The following BRICD5 variants were observed in gnomAD, a reference collection of about 807,000 sequenced individuals.
BRICD5 encodes the protein BRICHOS domain-containing protein 5.
Under a neutral mutation model 28.4 loss-of-function variants are expected in BRICD5, and 51 were observed. The ratio of observed to expected loss-of-function variants is 1.80; its 90% CI spans 1.43 to 2.27. BRICD5 has a LOEUF of 2.27. Ranked by LOEUF, BRICD5 falls within the 30% of genes most tolerant of loss-of-function variation. The pLI is 0.00. For synonymous variants in BRICD5, 177 were observed against 130.2 expected, an observed-to-expected ratio of 1.36 and a Z score of -2.44; for missense variants, 456 against 309.6, an observed-to-expected ratio of 1.47 and a Z score of -3.55.
chr16:2,210,393 C>T (rs949807246), intron 2 of BRICD5, 112 bp from the exon 3 acceptor site: 12 of 1,533,958 alleles, frequency 7.8e-6, no homozygotes, highest in South Asian at 1.3e-5. Context: ...ACCCCTTGGT[C>T]CTCTGGCTGT....
At chr16:2,210,378 C>T (rs2093368367) in intron 2 of BRICD5, 97 bp from the exon 3 acceptor site, 1 of 1,532,734 alleles carries the variant, frequency 6.5e-7, no homozygotes, top group South Asian at 1.3e-5. Flanking sequence ...TGAGTGGGCC[C>T]TTCCACCCCT....
chr16:2,209,261 G>A lies in BRICD5; in HGVS notation c.*101C>T. ...AGAACACCACCACCATGGCCAGGTG[G>A]AAGGGTTTATTAGTCCCTGCCAGCA... On this transcript the variant is annotated 3_prime_UTR_variant, in exon 6 of 6. Coordinates refer to ENST00000328540, the MANE Select transcript of BRICD5 (RefSeq NM_182563.4). 9.0e-7 allele frequency: 1 copy of A among 1,116,392 alleles called. No individual in the cohort carries two copies. 69.2% of individuals were successfully genotyped at this position (1,116,392 alleles called of 1,614,324 possible). A position where few individuals can be genotyped will look rare whatever the true frequency, so the allele number is the denominator to read the frequency against.
rs768202637 is a variant in BRICD5, at chr16:2,209,540, G to T, written c.592+13C>A. The T allele has an allele frequency of 6.2e-7, 1 of 1,612,246 alleles. No individual in the cohort carries two copies. Among genetic ancestry groups the T allele is most frequent in the African/African-American group, 1.3e-5 (1 of 75,066 alleles). ...CGAGGGCCTGGCCTTCCCCCACAGC[G>T]GTCCTGACTCACCCTCTGCTCGCCG... On this transcript the variant is annotated intron_variant, in intron 5 of 5. Coordinates refer to ENST00000328540, the MANE Select transcript of BRICD5 (RefSeq NM_182563.4).
intron 4 of BRICD5, 80 bp from the exon 5 acceptor site, chr16:2,209,786 C>G (rs1464191753): frequency 3.4e-6 from 5 of 1,453,524 alleles, no homozygotes; most frequent in Admixed American, 2.1e-5. Flanking sequence ...CCCTCCAACC[C>G]CCAGTGATGT....
chr16:2,210,049 G>A lies in BRICD5; in HGVS notation c.339C>T (p.Gly113=), dbSNP rs370899652. ...GCTCCTCAGGGCGGTAACAGATGCA[G>A]CCCTGGGGAGGCAGGGGGGTGAGGC... The part of the protein sequence containing the change: ...SWAVLFDGQS[G]CICYRPEEHQ... The change falls in exon 4 of 6, where the codon GGC becomes GGT. Residue 113 remains glycine, a splice_region_variant and synonymous_variant. Coordinates refer to ENST00000328540, the MANE Select transcript of BRICD5 (RefSeq NM_182563.4). The A allele has an allele frequency of 5.1e-5, 82 of 1,599,282 alleles. No individual in the cohort carries two copies. The highest frequency in any genetic ancestry group is 1.4e-5 in the Non-Finnish European group (16 of 1,172,086).
In BRICD5 at chr16:2,209,707, C is replaced by A; in HGVS notation, c.439-1G>T. 1 of 1,607,742 alleles carries A rather than the reference C, an allele frequency of 6.2e-7. No homozygotes were observed. The highest frequency in any genetic ancestry group is 8.5e-7 in the Non-Finnish European group (1 of 1,176,524). On this transcript the variant is annotated splice_acceptor_variant, in intron 4 of 5. Transcript: ENST00000328540. LOFTEE classifies it high-confidence loss of function. ...GGCTGGGGACCCAAGCCTCTTGGACCTGTTGAGAAGGCTCTGGTGGGCGGT... is the reference window on the plus strand; with the variant it reads ...GGCTGGGGACCCAAGCCTCTTGGACATGTTGAGAAGGCTCTGGTGGGCGGT...
rs376105618 is a variant in BRICD5 at position 2,210,242 on chromosome 16, G to C, written c.220C>G (p.His74Asp). The change falls in exon 3 of 6, where the codon CAC becomes GAC. Residue 74 changes from histidine to aspartate, a missense_variant. By Grantham distance (81) the His-to-Asp change is moderately conservative. Coordinates refer to ENST00000328540, the MANE Select transcript of BRICD5 (RefSeq NM_182563.4). ...QTLRMTLPSPHMPRPNQTILV... is the reference protein window; with the variant it reads ...QTLRMTLPSPDMPRPNQTILV... The stretch of plus-strand genomic sequence containing the variant: ...ATGGTTTGGTTGGGCCGGGGCATGT[G>C]GGGGCTCGGGAGGGTCATTCGCAGC... 7 of 1,555,436 alleles carry C rather than the reference G, an allele frequency of 4.5e-6. No homozygotes were observed. The highest frequency in any genetic ancestry group is 3.5e-5 in the South Asian group (3 of 86,138).
At position 2,209,265 on chromosome 16, in the gene BRICD5, G is replaced by A. The variant is rs1468776594; in HGVS notation, c.*97C>T. 2 of 1,150,724 alleles carry A rather than the reference G, an allele frequency of 1.7e-6. No homozygotes were observed. Among genetic ancestry groups the A allele is most frequent in the Non-Finnish European group, 2.5e-6 (2 of 792,240 alleles). The allele number at this position is 1,150,724 out of a possible 1,614,324, so 71.3% of individuals were successfully genotyped here. On this transcript the variant is annotated 3_prime_UTR_variant, in exon 6 of 6. Transcript: ENST00000328540. ...CACCACCACCATGGCCAGGTGGAAG[G>A]GTTTATTAGTCCCTGCCAGCAGCTG...
rs2093361757 is a variant in BRICD5 at position 2,209,458 on chromosome 16, T to C, written c.593-2A>G. ...AAATCAGCCGCTGTCTCCGGGGCCC[T>C]GTGGCGAGGGTGCCGTGAATCTCCA... is the stretch of plus-strand genomic sequence containing the variant. On this transcript the variant is annotated splice_acceptor_variant, in intron 5 of 5. Coordinates refer to ENST00000328540, the MANE Select transcript of BRICD5 (RefSeq NM_182563.4). LOFTEE classifies it high-confidence loss of function. 6.2e-7 allele frequency: 1 copy of C among 1,613,558 alleles called. No individual in the cohort carries two copies. Among genetic ancestry groups the C allele is most frequent in the South Asian group, 1.1e-5 (1 of 91,092 alleles).
rs376735983 is a variant in BRICD5 at position 2,209,462 on chromosome 16, G to A, written c.593-6C>T. 2 of 1,613,504 alleles carry A rather than the reference G, an allele frequency of 1.2e-6. No individual in the cohort carries two copies. Among genetic ancestry groups the A allele is most frequent in the Non-Finnish European group, 8.5e-7 (1 of 1,179,982 alleles). On this transcript the variant is annotated splice_region_variant and splice_polypyrimidine_tract_variant and intron_variant, in intron 5 of 5. Coordinates refer to ENST00000328540, the MANE Select transcript of BRICD5 (RefSeq NM_182563.4). ...CAGCCGCTGTCTCCGGGGCCCTGTGGCGAGGGTGCCGTGAATCTCCAAGGG... is the reference window on the plus strand; with the variant it reads ...CAGCCGCTGTCTCCGGGGCCCTGTGACGAGGGTGCCGTGAATCTCCAAGGG...
At position 2,209,981 on chromosome 16, in the gene BRICD5, T is replaced by TC. The variant is rs777530615; in HGVS notation, c.406dup (p.Glu136GlyfsTer?). 7 of 1,540,232 alleles carry TC rather than the reference T, an allele frequency of 4.5e-6. No homozygotes were observed. The African/African-American group carries it at 9.6e-5, about 21-fold the overall frequency. On this transcript the variant is annotated frameshift_variant, in exon 4 of 6. Transcript: ENST00000328540. LOFTEE classifies it high-confidence loss of function. ...GGTATCCACCAGCAGCCGCAGGGTC[T>TC]CCCGATCACTGTCCTCCATCAGGCG...
chr16:2,210,316 G>A (rs1343027311), intron 2 of BRICD5, 35 bp from the exon 3 acceptor site: 3 of 1,507,058 alleles, frequency 2.0e-6, no homozygotes, highest in Admixed American at 2.0e-5. Context: ...CCGGGCAGCT[G>A]TGCAACCCCA....
At position 2,210,636 on chromosome 16, in the gene BRICD5, G is replaced by C. The variant is rs1014997722; in HGVS notation, c.66C>G (p.Pro22=). Residue 22 remains proline (P), a synonymous_variant, in exon 2 of 6, where the codon CCC becomes CCG. Coordinates refer to ENST00000328540, the MANE Select transcript of BRICD5 (RefSeq NM_182563.4). ...KPGPTGVKTK[P]SCGGWRAVSL... ...TCACGGCTCTCCAGCCCCCGCAGGA[G>C]GGCTTGGTCTTCACCTGGGCGTGCA... The C allele has an allele frequency of 3.7e-6, 6 of 1,611,738 alleles. No individual in the cohort carries two copies. Among genetic ancestry groups the C allele is most frequent in the Non-Finnish European group, 5.1e-6 (6 of 1,179,126 alleles).
Position 2,210,851 on chromosome 16 carries a change from C to T in BRICD5, c.-18G>A, listed in dbSNP as rs768925201. On this transcript the variant is annotated 5_prime_UTR_variant, in exon 1 of 6. The change creates a new upstream start codon in the 5' untranslated region. Transcript: ENST00000328540. The stretch of plus-strand genomic sequence containing the variant: ...GGTTCCATCCTGCAGCCCCTGCTCA[C>T]AATGTGCCGATTGTCTGCGTCCCTT... 2 of 1,600,514 alleles carry T rather than the reference C, an allele frequency of 1.2e-6. No individual in the cohort carries two copies. The highest frequency in any genetic ancestry group is 2.2e-5 in the East Asian group (1 of 44,884).
Position 2,210,207 on chromosome 16 carries a change from G to A in BRICD5, c.255C>T (p.Asp85=), listed in dbSNP as rs369715280. The A allele has an allele frequency of 1.2e-4, 198 of 1,589,436 alleles. 1 individual carries two copies. Among genetic ancestry groups the A allele is most frequent in the Non-Finnish European group, 1.5e-4 (179 of 1,170,238 alleles). ...TGATGGTCGCCGCGTTCCGGGCCAC[G>A]TCCACCAGGATGGTTTGGTTGGGCC... is the stretch of plus-strand genomic sequence containing the variant. ...MPRPNQTILV[D]VARNAATITV... The change falls in exon 3 of 6, where the codon GAC becomes GAT. Residue 85 remains aspartate, a synonymous_variant. Transcript: ENST00000328540.
chr16:2,210,811 G>T lies in BRICD5; in HGVS notation c.23C>A (p.Ala8Asp). The T allele has an allele frequency of 6.2e-7, 1 of 1,604,342 alleles. No homozygotes were observed. The highest frequency in any genetic ancestry group is 8.5e-7 in the Non-Finnish European group (1 of 1,179,938). Residue 8 changes from alanine to aspartate, a missense_variant, in exon 1 of 6, where the codon GCT (alanine) becomes GAT (aspartate). Coordinates refer to ENST00000328540, the MANE Select transcript of BRICD5 (RefSeq NM_182563.4). The stretch of plus-strand genomic sequence containing the variant: ...TGTAGGCCCAGGTTTGGGGCGCTCA[G>T]CACAGCAGCTTGCTGGTTCCATCCT... MEPASCC[A>D]ERPKPGPTGV...
Position 2,210,527 on chromosome 16 carries a change from G to C in BRICD5, c.175C>G (p.Pro59Ala). 6.2e-7 allele frequency: 1 copy of C among 1,606,034 alleles called. No individual in the cohort carries two copies. The highest frequency in any genetic ancestry group is 8.5e-7 in the Non-Finnish European group (1 of 1,176,148). ...GGLLGSAQGP[P>A]KPRLQTLRMT... is the part of the protein sequence containing the mutation. ...GGTGCTGAGGAGGGGCTCACCTTGG[G>C]AGGGCCCTGAGCAGAGCCAAGAAGC... The change falls in exon 2 of 6, where the codon CCC becomes GCC. Residue 59 changes from proline to alanine, a missense_variant. Physicochemically the swap from Pro to Ala is conservative, Grantham distance 27. Coordinates refer to ENST00000328540, the MANE Select transcript of BRICD5 (RefSeq NM_182563.4).
At position 2,210,639 on chromosome 16, in the gene BRICD5, C is replaced by T; in HGVS notation, c.63G>A (p.Lys21=). 1 of 1,611,488 alleles carries T rather than the reference C, an allele frequency of 6.2e-7. No individual in the cohort carries two copies. The highest frequency in any genetic ancestry group is 1.1e-5 in the South Asian group (1 of 90,904). The change falls in exon 2 of 6, where the codon AAG becomes AAA. Residue 21 remains lysine (K), a synonymous_variant. Transcript: ENST00000328540. ...CGGCTCTCCAGCCCCCGCAGGAGGG[C>T]TTGGTCTTCACCTGGGCGTGCATCA... is the stretch of plus-strand genomic sequence containing the variant. ...PKPGPTGVKT[K]PSCGGWRAVS... is the part of the protein sequence containing the mutation.
At position 2,210,277 on chromosome 16, in the gene BRICD5, C is replaced by A; in HGVS notation, c.185G>T (p.Arg62Met). 6.5e-7 allele frequency: 1 copy of A among 1,528,034 alleles called. No homozygotes were observed. Among genetic ancestry groups the A allele is most frequent in the Non-Finnish European group, 8.8e-7 (1 of 1,135,926 alleles). 94.7% of individuals were successfully genotyped at this position (1,528,034 alleles called of 1,614,324 possible). ...GAGGGTCATTCGCAGCGTCTGCAGC[C>A]TTGGCTGGCAGTGGGAGTTGGAGTT... ...LGSAQGPPKP[R>M]LQTLRMTLPS... Residue 62 changes from arginine to methionine, a missense_variant, in exon 3 of 6, where the codon AGG becomes ATG. Physicochemically the swap from Arg to Met is moderately conservative, Grantham distance 91 (BLOSUM62 -1). Coordinates refer to ENST00000328540, the MANE Select transcript of BRICD5 (RefSeq NM_182563.4).
Sources: gnomAD v4.1 joint callset for allele counts on GRCh38, gnomAD v4.1.1 for gene constraint, MANE v1.5 for transcripts, NCBI Gene and HGNC (gene_info 2026-07-23, HGNC 2026-07-21) for gene names.